FREM3: variants seen among roughly 807,000 people sequenced by gnomAD.
The protein encoded by FREM3 is FRAS1 related extracellular matrix 3.
In FREM3, 105 loss-of-function variants were observed where a neutral mutation model predicts 129.1. That is an observed-to-expected ratio of 0.81 (90% CI 0.69 to 0.96). The LOEUF (loss-of-function observed/expected upper bound fraction) is 0.96. FREM3 is among the 40% of genes least tolerant of loss of function. The pLI, the probability that FREM3 is intolerant of heterozygous loss-of-function variation, is 0.00. For synonymous variants in FREM3, 1,014 were observed against 1,044.9 expected, an observed-to-expected ratio of 0.97 and a Z score of 0.57; for missense variants, 2,593 against 2,666.3, an observed-to-expected ratio of 0.97 and a Z score of 0.61.
At chr4:143,640,841 G>A (rs1187189828) in intron 2 of FREM3, among the ~76,000 whole-genome samples, 1 of 151,940 alleles carries the variant, frequency 6.6e-6, no homozygotes, top group Non-Finnish European at 1.5e-5. Flanking sequence ...TTATTCTAGA[G>A]CAATCTTTAA....
At chr4:143,606,238 G>C (rs892183466) in intron 6 of FREM3, among the ~76,000 whole-genome samples, 2 of 152,134 alleles carry the variant, frequency 1.3e-5, no homozygotes, top group African/African-American at 2.4e-5. Context: ...TGTGTGGAGA[G>C]AGCCAACATC....
rs1738166905 is a variant in FREM3 at position 143,582,537 on chromosome 4, G to T, written c.6178+3307C>A. ...TTGACTATATTAAAATTACACCACAGTTAAAGGAATATCAGCCCATACAGA... is the reference window on the plus strand; with the variant it reads ...TTGACTATATTAAAATTACACCACATTTAAAGGAATATCAGCCCATACAGA... On this transcript the variant is annotated intron_variant, in intron 7 of 7. Transcript: ENST00000329798. Among the ~76,000 whole-genome samples the T allele has an allele frequency of 3.3e-5, 5 of 152,158 alleles. No individual in the cohort carries two copies. The South Asian group carries it at 1.0e-3, about 31-fold the overall frequency.
chr4:143,587,487 G>A (rs190419677), intron 6 of FREM3, among the ~76,000 whole-genome samples: 31 of 152,176 alleles, frequency 2.0e-4, no homozygotes, highest in Non-Finnish European at 1.8e-4. Flanking sequence ...GTATTTATGG[G>A]GTACATAGTG....
At chr4:143,593,351 C>A (rs1432417538) in intron 6 of FREM3, among the ~76,000 whole-genome samples, 3 of 152,072 alleles carry the variant, frequency 2.0e-5, no homozygotes, top group Admixed American at 2.0e-4. Flanking sequence ...CTGTTTTTTC[C>A]CCATCTTTGT....
chr4:143,591,961 T>C (rs923961344), intron 6 of FREM3, among the ~76,000 whole-genome samples: 7 of 152,238 alleles, frequency 4.6e-5, no homozygotes, highest in Non-Finnish European at 7.3e-5. Context: ...TAGTTAGTTG[T>C]TCTTGTTGAA....
intron 6 of FREM3, among the ~76,000 whole-genome samples, chr4:143,590,396 T>C (rs1270626976): frequency 1.3e-5 from 2 of 152,228 alleles, no homozygotes; most frequent in African/African-American, 4.8e-5. Context: ...GCTCTTATTA[T>C]TTTGTGATAC....
chr4:143,606,893 ATC>A (rs1325620145), intron 6 of FREM3, among the ~76,000 whole-genome samples: 7 of 152,284 alleles, frequency 4.6e-5, no homozygotes, highest in African/African-American at 1.4e-4. Context: ...TCCAAAAAAT[ATC>A]TCTCTGCAGT....
chr4:143,661,603 T>A (rs1389295245), intron 2 of FREM3, among the ~76,000 whole-genome samples: 1 of 152,022 alleles, frequency 6.6e-6, no homozygotes, highest in East Asian at 1.9e-4. Context: ...GCTGGCCTTA[T>A]AAAATGAGTT....
At chr4:143,636,163 GT>G (rs536363966) in intron 2 of FREM3, among the ~76,000 whole-genome samples, 232 of 139,506 alleles carry the variant, frequency 1.7e-3, no homozygotes, top group Non-Finnish European at 2.4e-3. Flanking sequence ...CATTGTTTTT[GT>G]TTTTTTTTTT....
intron 2 of FREM3, among the ~76,000 whole-genome samples, chr4:143,638,429 T>C (rs1739269376): frequency 1.3e-5 from 2 of 152,128 alleles, no homozygotes; most frequent in African/African-American, 4.8e-5. Flanking sequence ...ATACAAGATT[T>C]AAGGAGGAGG....
Position 143,699,805 on chromosome 4 carries a change from G to T in FREM3, c.871C>A (p.Gln291Lys). The T allele has an allele frequency of 6.5e-7, 1 of 1,536,446 alleles. No homozygotes were observed. The highest frequency in any genetic ancestry group is 8.7e-7 in the Non-Finnish European group (1 of 1,146,828). Residue 291 changes from glutamine to lysine, a missense_variant, in exon 1 of 8, where the codon CAG (glutamine) becomes AAG (lysine). This residue lies in a region of FREM3 where 2,276 missense variants were observed against 2,267.2 expected (regional missense o/e 1.00). Transcript: ENST00000329798. This position sits in a 1 kb window ranked among gnomAD's most constrained non-coding sequence, Gnocchi z 4.2. ...SAGVLVREHFQLLVRIRGGAE... is the reference protein window; with the variant it reads ...SAGVLVREHFKLLVRIRGGAE... ...CCGCCGCGGATCCTCACGAGCAGCTGGAAGTGCTCGCGGACCAGCACACCC... is the reference window on the plus strand; with the variant it reads ...CCGCCGCGGATCCTCACGAGCAGCTTGAAGTGCTCGCGGACCAGCACACCC...
In FREM3 at chr4:143,699,530, C is replaced by T; in HGVS notation, c.1146G>A (p.Leu382=). 1.3e-6 allele frequency: 2 copies of T among 1,537,266 alleles called. No homozygotes were observed. The highest frequency in any genetic ancestry group is 1.2e-5 in the South Asian group (1 of 84,064). The change falls in exon 1 of 8, where the codon CTG becomes CTA. Residue 382 remains leucine, a synonymous_variant. Transcript: ENST00000329798. The surrounding 1 kb of genome is among the most constrained non-coding windows in gnomAD (Gnocchi z 4.2). ...GCTGATAGGCAATCTTCAGCTCCCT[C>T]AGCTCCTGCTGGGTGAAGAAGGAGA... is the stretch of plus-strand genomic sequence containing the variant. ...LPVSFFTQQE[L]RELKIAYQPP... is the part of the protein sequence containing the mutation.
In FREM3 at chr4:143,700,363, G is replaced by A. The variant is rs1740674442; in HGVS notation, c.313C>T (p.Arg105Trp). The part of the protein sequence containing the change: ...CEVTVLDALP[R>W]LKGALSPRRF... The stretch of plus-strand genomic sequence containing the variant: ...CGCGGGGAGAGCGCGCCCTTGAGCC[G>A]CGGCAGGGCGTCCAGTACCGTGACT... The change falls in exon 1 of 8, where the codon CGG becomes TGG. Residue 105 changes from arginine (R) to tryptophan (W), a missense_variant. By Grantham distance (101) the Arg-to-Trp change is moderately radical. Coordinates refer to ENST00000329798, the MANE Select transcript of FREM3 (RefSeq NM_001168235.2). The A allele has an allele frequency of 3.3e-6, 5 of 1,534,928 alleles. No individual in the cohort carries two copies. The highest frequency in any genetic ancestry group is 3.5e-6 in the Non-Finnish European group (4 of 1,146,146).
chr4:143,626,502 A>G (rs1220215281), intron 3 of FREM3, among the ~76,000 whole-genome samples: 1 of 152,178 alleles, frequency 6.6e-6, no homozygotes, highest in Non-Finnish European at 1.5e-5. Context: ...GGGTCAGGAT[A>G]CAAATATCCT....
intron 2 of FREM3, among the ~76,000 whole-genome samples, chr4:143,629,177 A>G (rs1739097450): frequency 6.6e-6 from 1 of 152,166 alleles, no homozygotes. Context: ...GCAGATGGCA[A>G]TGATACTTTC....
chr4:143,698,323 C>T lies in FREM3; in HGVS notation c.2353G>A (p.Val785Ile). The change falls in exon 1 of 8, where the codon GTT (valine) becomes ATT (isoleucine). Residue 785 changes from valine to isoleucine, a missense_variant. Physicochemically the swap from Val to Ile is conservative, Grantham distance 29. Coordinates refer to ENST00000329798, the MANE Select transcript of FREM3 (RefSeq NM_001168235.2). ...FTQAQVNQHK[V>I]AYQPPQKLGI... ...AATTTCTGTGGAGGCTGGTAGGCAA[C>T]TTTATGCTGATTTACCTGGGCTTGG... 6.5e-7 allele frequency: 1 copy of T among 1,537,786 alleles called. No homozygotes were observed. The highest frequency in any genetic ancestry group is 1.4e-5 in the African/African-American group (1 of 73,146).
At chr4:143,689,520 C>G (rs149022373) in intron 2 of FREM3, among the ~76,000 whole-genome samples, 1 of 152,194 alleles carries the variant, frequency 6.6e-6, no homozygotes, top group African/African-American at 2.4e-5. Context: ...ATCCAGCAAT[C>G]CCACTACTAG....
intron 2 of FREM3, among the ~76,000 whole-genome samples, chr4:143,679,383 A>G (rs1197015502): frequency 6.6e-6 from 1 of 152,186 alleles, no homozygotes; most frequent in Non-Finnish European, 1.5e-5. Context: ...GAAAAGAGCA[A>G]TTTGTAGTAA....
intron 6 of FREM3, among the ~76,000 whole-genome samples, chr4:143,607,023 T>C (rs1382434345): frequency 6.6e-6 from 1 of 152,134 alleles, no homozygotes; most frequent in Non-Finnish European, 1.5e-5. Context: ...TCCAGAATAG[T>C]GTTCTCCCCT....
Sources: allele counts gnomAD v4.1 joint callset (sites outside exome capture counted in the v4.1 genomes callset), GRCh38; gene constraint gnomAD v4.1.1; regional missense constraint gnomAD v4.1.1; non-coding constraint Gnocchi (gnomAD v3.1); transcripts MANE v1.5; gene names NCBI Gene and HGNC (gene_info 2026-07-23, HGNC 2026-07-21).